Variants in HIBADH observed in about 807,000 individuals in gnomAD.
The protein encoded by HIBADH is 3-hydroxyisobutyrate dehydrogenase.
Under a neutral mutation model 36.1 loss-of-function variants are expected in HIBADH, and 25 were observed. The ratio of observed to expected loss-of-function variants is 0.69; its 90% confidence interval spans 0.50 to 0.97. The LOEUF (loss-of-function observed/expected upper bound fraction) is 0.97. HIBADH is among the 50% of genes least tolerant of loss of function. The pLI is 0.00. For missense variants in HIBADH, 421 were observed against 418.0 expected, an observed-to-expected ratio of 1.01 and a Z score of -0.06; for synonymous variants, 160 against 149.5, an observed-to-expected ratio of 1.07 and a Z score of -0.51.
chr7:27,592,831 T>C (rs112674537), intron 4 of HIBADH, among the ~76,000 whole-genome samples: 115,842 of 151,982 alleles, frequency 0.76, 44,657 homozygotes, highest in East Asian at 0.94. Context: ...TTCAATGGTT[T>C]TTAGCATATG....
intron 4 of HIBADH, among the ~76,000 whole-genome samples, chr7:27,613,811 AC>A (rs1389709033): frequency 1.4e-4 from 22 of 151,758 alleles, no homozygotes; most frequent in Non-Finnish European, 2.4e-4. Flanking sequence ...GGTACACGCC[AC>A]CATGCCCGGC....
chr7:27,659,172 G>A (rs1490809791), intron 1 of HIBADH, among the ~76,000 whole-genome samples: 1 of 152,046 alleles, frequency 6.6e-6, no homozygotes, highest in African/African-American at 2.4e-5. Flanking sequence ...TTCTACCTTT[G>A]GTCAGGTGGT....
At chr7:27,565,236 C>T (rs1784528752) in intron 4 of HIBADH, among the ~76,000 whole-genome samples, 1 of 152,162 alleles carries the variant, frequency 6.6e-6, no homozygotes. Flanking sequence ...CTTACCCTGC[C>T]TCATCCATTC....
chr7:27,592,402 A>T (rs1784952455), intron 4 of HIBADH, among the ~76,000 whole-genome samples: 1 of 152,220 alleles, frequency 6.6e-6, no homozygotes, highest in Non-Finnish European at 1.5e-5. Context: ...AAGAGACTGA[A>T]TTTTTAGGTC....
chr7:27,660,207 T>C (rs1786387882), intron 1 of HIBADH, among the ~76,000 whole-genome samples: 1 of 152,222 alleles, frequency 6.6e-6, no homozygotes, highest in Non-Finnish European at 1.5e-5. Flanking sequence ...CCAACAGAAT[T>C]CAGAACATCA....
At chr7:27,538,443 A>T in intron 5 of HIBADH, 26 bp from the exon 6 acceptor site, 3 of 1,591,990 alleles carry the variant, frequency 1.9e-6, no homozygotes, top group Non-Finnish European at 2.6e-6. Context: ...GTACATATTA[A>T]ATATCTGTAT....
intron 4 of HIBADH, among the ~76,000 whole-genome samples, chr7:27,618,854 AG>A (rs1387766881): frequency 6.6e-6 from 1 of 152,118 alleles, no homozygotes; most frequent in Non-Finnish European, 1.5e-5. Flanking sequence ...AGAAGGGGGA[AG>A]GTGCCACACA....
intron 4 of HIBADH, among the ~76,000 whole-genome samples, chr7:27,550,517 T>A (rs1001395180): frequency 6.7e-6 from 1 of 149,902 alleles, no homozygotes; most frequent in Non-Finnish European, 1.5e-5. Flanking sequence ...GAATGTGCAA[T>A]GATTTTTCAT....
chr7:27,566,492 C>G (rs1363684702), intron 4 of HIBADH, among the ~76,000 whole-genome samples: 3 of 151,960 alleles, frequency 2.0e-5, no homozygotes, highest in Admixed American at 6.6e-5. Context: ...GCTGGCTTTT[C>G]AAAAGTAGCA....
intron 4 of HIBADH, among the ~76,000 whole-genome samples, chr7:27,582,898 A>C (rs1562630595): frequency 6.6e-6 from 1 of 152,122 alleles, no homozygotes; most frequent in African/African-American, 2.4e-5. Context: ...GACCATTTCC[A>C]CATCAGTAAA....
intron 2 of HIBADH, among the ~76,000 whole-genome samples, chr7:27,633,194 C>A (rs1785778873): frequency 6.6e-6 from 1 of 152,160 alleles, no homozygotes. Context: ...CGCTGTCTAT[C>A]CTGTTTGCTT....
intron 4 of HIBADH, among the ~76,000 whole-genome samples, chr7:27,563,929 G>C (rs1264325235): frequency 7.5e-6 from 1 of 132,866 alleles, no homozygotes; most frequent in East Asian, 2.3e-4. Context: ...GATGGAGTCT[G>C]GCTCTGTCGC....
At chr7:27,638,446 G>A (rs577430952) in intron 2 of HIBADH, among the ~76,000 whole-genome samples, 1 of 151,754 alleles carries the variant, frequency 6.6e-6, no homozygotes, top group African/African-American at 2.4e-5. Context: ...TTCAACTCAA[G>A]GTGGATTAAA....
chr7:27,596,703 C>A (rs1785039745), intron 4 of HIBADH, among the ~76,000 whole-genome samples: 1 of 152,120 alleles, frequency 6.6e-6, no homozygotes, highest in East Asian at 1.9e-4. Context: ...ATCTAAAATG[C>A]TTGGGACCAA....
intron 2 of HIBADH, among the ~76,000 whole-genome samples, chr7:27,637,112 CAGT>C (rs1785853629): frequency 6.6e-6 from 1 of 152,094 alleles, no homozygotes; most frequent in South Asian, 2.1e-4. Flanking sequence ...GCAGCAGCAG[CAGT>C]AATAGTAGTA....
At chr7:27,635,311 A>G (rs1215192476) in intron 2 of HIBADH, among the ~76,000 whole-genome samples, 2 of 152,188 alleles carry the variant, frequency 1.3e-5, no homozygotes, top group Non-Finnish European at 2.9e-5. Flanking sequence ...CAACTACAAA[A>G]GCCTTTAGAA....
chr7:27,628,379 G>T (rs1018710012), intron 4 of HIBADH, among the ~76,000 whole-genome samples: 1 of 152,150 alleles, frequency 6.6e-6, no homozygotes, highest in Non-Finnish European at 1.5e-5. Flanking sequence ...CCACAATCAA[G>T]TTTAATGTAA....
chr7:27,590,985 G>T (rs990918247), intron 4 of HIBADH, among the ~76,000 whole-genome samples: 1 of 152,112 alleles, frequency 6.6e-6, no homozygotes, highest in Non-Finnish European at 1.5e-5. Context: ...TATTAACACT[G>T]CAAGAGAAAA....
At chr7:27,615,942 T>C (rs1400259664) in intron 4 of HIBADH, among the ~76,000 whole-genome samples, 1 of 152,070 alleles carries the variant, frequency 6.6e-6, no homozygotes, top group Admixed American at 6.6e-5. Flanking sequence ...TGAAAGACAG[T>C]GTGTCTAAAT....
Sources: allele counts gnomAD v4.1 joint callset (sites outside exome capture counted in the v4.1 genomes callset), GRCh38; gene constraint gnomAD v4.1.1; transcripts MANE v1.5; gene names NCBI Gene and HGNC (gene_info 2026-07-23, HGNC 2026-07-21).